The following ZRANB3 variants were observed in gnomAD, a reference collection of about 807,000 sequenced individuals.
The protein encoded by ZRANB3 is DNA annealing helicase and endonuclease ZRANB3.
Under a neutral mutation model 133.8 loss-of-function variants are expected in ZRANB3, and 125 were observed. That is an observed-to-expected ratio of 0.93 (90% CI 0.81 to 1.08). ZRANB3 has a LOEUF of 1.08. Ranked by LOEUF, ZRANB3 falls within the 50% of genes least tolerant of loss-of-function variation. The pLI is 0.00. For synonymous variants in ZRANB3, 387 were observed against 432.7 expected, an observed-to-expected ratio of 0.89 and a Z score of 1.31; for missense variants, 1,229 against 1,275.5, an observed-to-expected ratio of 0.96 and a Z score of 0.56.
In ZRANB3 at chr2:135,377,759, T is replaced by C. The variant is rs535451180; in HGVS notation, c.180+13043A>G. On this transcript the variant is annotated intron_variant, in intron 3 of 20. Transcript: ENST00000264159. ...TTTACTCCAGCTTTGTGATGGTTAA[T>C]ACTCAGTGTCAACTTCATTGGACTG... Among the ~76,000 whole-genome samples, 3 of 152,372 alleles carry C rather than the reference T, an allele frequency of 2.0e-5. No individual in the cohort carries two copies. The South Asian group carries it at 6.2e-4, about 32-fold the overall frequency.
At chr2:135,522,213 T>C (rs1269261229) in intron 1 of ZRANB3, among the ~76,000 whole-genome samples, 2 of 152,216 alleles carry the variant, frequency 1.3e-5, no homozygotes, top group Admixed American at 1.3e-4. Flanking sequence ...TAACATCTTA[T>C]TGAATGACTC....
At chr2:135,419,376 G>A (rs934322227) in intron 2 of ZRANB3, among the ~76,000 whole-genome samples, 3 of 151,144 alleles carry the variant, frequency 2.0e-5, no homozygotes, top group Non-Finnish European at 4.4e-5. Context: ...ACATACACAC[G>A]TGTGTGTGTG....
chr2:135,449,185 A>G (rs1473713402), intron 2 of ZRANB3, among the ~76,000 whole-genome samples: 1 of 152,210 alleles, frequency 6.6e-6, no homozygotes, highest in East Asian at 1.9e-4. Flanking sequence ...ATTCCAGCAA[A>G]GAACCTAAAT....
chr2:135,217,632 G>T (rs757764279), intron 16 of ZRANB3, 25 bp from the exon 17 acceptor site: 1 of 1,605,114 alleles, frequency 6.2e-7, no homozygotes, highest in East Asian at 2.2e-5. Context: ...GATAATAAGA[G>T]TTAACAGCTC....
intron 8 of ZRANB3, among the ~76,000 whole-genome samples, chr2:135,293,094 A>G (rs551047802): frequency 1.1e-4 from 17 of 152,198 alleles, no homozygotes; most frequent in East Asian, 3.9e-4. Context: ...TTTTGGTTCC[A>G]TATGAACTTT....
rs1401093282 is a variant in ZRANB3 at position 135,199,321 on chromosome 2, G to C, written c.*1021C>G. 1 of 152,148 alleles carries C rather than the reference G, an allele frequency of 6.6e-6. No individual in the cohort carries two copies. Among genetic ancestry groups the C allele is most frequent in the African/African-American group, 2.4e-5 (1 of 41,410 alleles). 9.4% of individuals were successfully genotyped at this position (152,148 alleles called of 1,614,324 possible). A position where few individuals can be genotyped will look rare whatever the true frequency, so the allele number is the denominator to read the frequency against. ...TTTGTTTGTTTGTTTGTTTGAGACG[G>C]AGTCTCGCTCTGTCGCCCAGGCTGG... On this transcript the variant is annotated 3_prime_UTR_variant, in exon 21 of 21. Transcript: ENST00000264159.
rs1443190639 is a variant in ZRANB3 at position 135,265,569 on chromosome 2, A to C, written c.1504T>G (p.Ser502Ala). 2 of 1,613,726 alleles carry C rather than the reference A, an allele frequency of 1.2e-6. No individual in the cohort carries two copies. Among genetic ancestry groups the C allele is most frequent in the Middle Eastern group, 1.7e-4 (1 of 6,060 alleles). Residue 502 changes from serine to alanine, a missense_variant, in exon 12 of 21, where the codon TCT (serine) becomes GCT (alanine). Coordinates refer to ENST00000264159, the MANE Select transcript of ZRANB3 (RefSeq NM_032143.4). ...AAAGCTTCCTTCCTTAACTCTTCAG[A>C]ACTGTCATTTGGAGTCCAAGCTTCA... ...FAEAWTPNDS[S>A]EELRKEALFT...
intron 3 of ZRANB3, among the ~76,000 whole-genome samples, chr2:135,372,061 G>A (rs1005590498): frequency 4.2e-4 from 64 of 151,876 alleles, no homozygotes; most frequent in Middle Eastern, 6.8e-3. Context: ...CCAACTACTC[G>A]GGAGGCTGAG....
rs918845590 is a variant in ZRANB3 at position 135,327,533 on chromosome 2, T to C, written c.678-12003A>G. On this transcript the variant is annotated intron_variant, in intron 6 of 20. Transcript: ENST00000264159. The stretch of plus-strand genomic sequence containing the variant: ...TAGAGAATAATATTAATTTATTTAG[T>C]CCATTAATTTAATATACTTAGTCAA... 2.6e-5 allele frequency among the ~76,000 whole-genome samples: 4 copies of C among 152,154 alleles called. No homozygotes were observed. In the South Asian group the frequency reaches 8.3e-4, roughly 32 times the overall value.
intron 2 of ZRANB3, among the ~76,000 whole-genome samples, chr2:135,407,002 T>C (rs1171906724): frequency 7.5e-4 from 114 of 152,228 alleles, no homozygotes; most frequent in African/African-American, 1.1e-3. Flanking sequence ...AAATAAAGGG[T>C]ATTCAATTAG....
chr2:135,504,263 A>C, intron 2 of ZRANB3, 66 bp downstream of exon 2: 1 of 1,583,166 alleles, frequency 6.3e-7, no homozygotes, highest in South Asian at 1.1e-5. Context: ...AAGTTTGAAC[A>C]GAACTTTGTT....
intron 6 of ZRANB3, among the ~76,000 whole-genome samples, chr2:135,320,187 C>T (rs1683454060): frequency 6.6e-6 from 1 of 152,154 alleles, no homozygotes; most frequent in South Asian, 2.1e-4. Flanking sequence ...ACTACAGGCA[C>T]ATGCCACCAG....
rs551562835 is a variant in ZRANB3, at chr2:135,457,883, T to C, written c.161+46446A>G. Among the ~76,000 whole-genome samples, 33 of 152,266 alleles carry C rather than the reference T, an allele frequency of 2.2e-4. No individual in the cohort carries two copies. In the South Asian group the frequency reaches 5.8e-3, roughly 27 times the overall value. On this transcript the variant is annotated intron_variant, in intron 2 of 20. Coordinates refer to ENST00000264159, the MANE Select transcript of ZRANB3 (RefSeq NM_032143.4). ...GTCTGTGGGTTATCTTTATTAATGATGTCCTTTAAAGCACAGAAGTTTCTT... is the reference window on the plus strand; with the variant it reads ...GTCTGTGGGTTATCTTTATTAATGACGTCCTTTAAAGCACAGAAGTTTCTT...
At chr2:135,367,765 A>G (rs2104895143) in intron 3 of ZRANB3, among the ~76,000 whole-genome samples, 1 of 152,252 alleles carries the variant, frequency 6.6e-6, no homozygotes, top group Admixed American at 6.5e-5. Context: ...TAGTACTATG[A>G]CAAGGTGAAA....
intron 6 of ZRANB3, among the ~76,000 whole-genome samples, chr2:135,332,731 C>T (rs975216159): frequency 2.0e-5 from 3 of 152,106 alleles, no homozygotes; most frequent in African/African-American, 4.8e-5. Flanking sequence ...CCCCATCCTT[C>T]GAAGGTGCTT....
intron 1 of ZRANB3, among the ~76,000 whole-genome samples, chr2:135,520,082 C>CTTTTTTTTTT (rs60682356): frequency 7.0e-6 from 1 of 143,604 alleles, no homozygotes; most frequent in Non-Finnish European, 1.5e-5. Context: ...CACTTAAATT[C>CTTTTTTTTTT]TTTTTTTTTT....
intron 8 of ZRANB3, among the ~76,000 whole-genome samples, chr2:135,300,815 A>G (rs776014575): frequency 6.6e-6 from 1 of 152,174 alleles, no homozygotes; most frequent in African/African-American, 2.4e-5. Flanking sequence ...TTCTCTGCCT[A>G]TTAGTTATTG....
At chr2:135,218,977 C>A in intron 16 of ZRANB3, 100 bp downstream of exon 16, 1 of 812,996 alleles carries the variant, frequency 1.2e-6, no homozygotes, top group Non-Finnish European at 1.8e-6. Flanking sequence ...CAACATGCCA[C>A]AAAGTGCTTT....
rs760617897 is a variant in ZRANB3, at chr2:135,230,655, G to A, written c.1812C>T (p.Leu604=). The change falls in exon 13 of 21, where the codon CTC becomes CTT. Residue 604 remains leucine (L), a synonymous_variant. Transcript: ENST00000264159. ...PSQSKQIRTP[L]VESVQEAKAQ... ...CCTTGGCCTCCTGTACACTTTCCAC[G>A]AGTGGAGTTCGGATTTGCTTGGACT... 5.2e-5 allele frequency: 84 copies of A among 1,613,752 alleles called. No individual in the cohort carries two copies. In the Middle Eastern group the frequency reaches 6.6e-4, roughly 13 times the overall value.
Sources: gnomAD v4.1 joint callset for allele counts (sites outside exome capture counted in the v4.1 genomes callset) on GRCh38, gnomAD v4.1.1 for gene constraint, MANE v1.5 for transcripts, NCBI Gene and HGNC (gene_info 2026-07-23, HGNC 2026-07-21) for gene names.